Variants in RBPJ observed in about 807,000 individuals in gnomAD.
RBPJ encodes recombining binding protein suppressor of hairless.
Under a neutral mutation model 67.8 loss-of-function variants are expected in RBPJ, and 9 were observed. That is an observed-to-expected ratio of 0.13 (90% confidence interval 0.08 to 0.23). RBPJ has a LOEUF of 0.23. Ranked by LOEUF, RBPJ falls within the 10% of genes least tolerant of loss-of-function variation. The pLI is 1.00. For missense variants in RBPJ, 305 were observed against 595.6 expected, an observed-to-expected ratio of 0.51 and a Z score of 5.08; for synonymous variants, 198 against 203.3, an observed-to-expected ratio of 0.97 and a Z score of 0.22.
At chr4:26,142,969 A>T in the RBPJ span, among the ~76,000 whole-genome samples, 13 of 152,112 alleles carry the variant, frequency 8.5e-5, no homozygotes, top group African/African-American at 3.1e-4. Flanking sequence ...TTTAGTAGAG[A>T]TGGGGTTTCA....
the RBPJ span, among the ~76,000 whole-genome samples, chr4:26,148,541 A>G: frequency 6.6e-6 from 1 of 152,242 alleles, no homozygotes; most frequent in Admixed American, 6.5e-5. Flanking sequence ...TCAAGTGAAC[A>G]TGGCAGACAA....
At chr4:26,178,475 G>T (rs950719541) in intron 1 of RBPJ, among the ~76,000 whole-genome samples, 1 of 151,942 alleles carries the variant, frequency 6.6e-6, no homozygotes, top group African/African-American at 2.4e-5. Flanking sequence ...AGGTGTGATG[G>T]TGCACGCCTG....
At chr4:26,342,378 C>T (rs1025025606) in intron 1 of RBPJ, among the ~76,000 whole-genome samples, 4 of 151,628 alleles carry the variant, frequency 2.6e-5, no homozygotes, top group African/African-American at 9.7e-5. Flanking sequence ...TTTACAGAAA[C>T]TTAACCAAGT....
At chr4:26,137,153 G>A in the RBPJ span, among the ~76,000 whole-genome samples, 2 of 152,302 alleles carry the variant, frequency 1.3e-5, no homozygotes, top group African/African-American at 4.8e-5. Context: ...AATGCCTGTG[G>A]GCTGGGAGGG....
At chr4:26,120,750 A>G in the RBPJ span, among the ~76,000 whole-genome samples, 1 of 143,178 alleles carries the variant, frequency 7.0e-6, no homozygotes, top group Non-Finnish European at 1.5e-5. Context: ...CACACTGGAA[A>G]ATAAGCAATA....
upstream of RBPJ, chr4:26,320,735 C>A: frequency 6.4e-7 from 1 of 1,550,756 alleles, no homozygotes; most frequent in Non-Finnish European, 8.7e-7. Context: ...GTCCTAAAAC[C>A]CGGATAACCG....
chr4:26,357,677 A>T (rs1386575177), intron 1 of RBPJ, among the ~76,000 whole-genome samples: 3 of 152,062 alleles, frequency 2.0e-5, no homozygotes, highest in Admixed American at 1.3e-4. Context: ...ATCCATCTCC[A>T]CAGCTGTTTT....
At chr4:26,202,494 G>T (rs1283486884) in intron 1 of RBPJ, among the ~76,000 whole-genome samples, 1 of 149,106 alleles carries the variant, frequency 6.7e-6, no homozygotes, top group Non-Finnish European at 1.5e-5. Context: ...AATAAATGAC[G>T]ATTTCATTGG....
chr4:26,422,381 AATTC>A (rs1735229262), intron 5 of RBPJ, among the ~76,000 whole-genome samples: 1 of 152,160 alleles, frequency 6.6e-6, no homozygotes, highest in African/African-American at 2.4e-5. Flanking sequence ...TAATTTTTTA[AATTC>A]TAACTTCTGC....
intron 1 of RBPJ, chr4:26,359,673 A>ACAGGAGGGATGGTGGCCGAG (rs1727830553): frequency 6.6e-6 from 1 of 152,118 alleles, no homozygotes. Context: ...CACCCCGCCG[A>ACAGGAGGGATGGTGGCCGAG]CAGGAGGGAT....
At chr4:26,323,692 G>A (rs1266511490) in intron 1 of RBPJ, among the ~76,000 whole-genome samples, 1 of 152,076 alleles carries the variant, frequency 6.6e-6, no homozygotes, top group East Asian at 1.9e-4. Context: ...GTTATCTGTT[G>A]TCCTATACCA....
At chr4:26,364,612 T>C (rs28617260) in intron 1 of RBPJ, among the ~76,000 whole-genome samples, 3 of 142,046 alleles carry the variant, frequency 2.1e-5, no homozygotes, top group Admixed American at 7.2e-5. Flanking sequence ...TTTTTTTTTT[T>C]CTTTTTCATT....
chr4:26,278,219 A>T (rs555283660), intron 1 of RBPJ, among the ~76,000 whole-genome samples: 2 of 152,202 alleles, frequency 1.3e-5, no homozygotes, highest in Non-Finnish European at 1.5e-5. Flanking sequence ...AGGATGCTAC[A>T]TAACATTTTC....
At chr4:26,409,522 CAG>C (rs1491551628) in intron 3 of RBPJ, among the ~76,000 whole-genome samples, 3 of 152,114 alleles carry the variant, frequency 2.0e-5, no homozygotes, top group African/African-American at 4.8e-5. Context: ...CTTTTTGAGA[CAG>C]AGTCTCGCCT....
At position 26,430,377 on chromosome 4, in the gene RBPJ, A is replaced by G. The variant is rs746842725; in HGVS notation, c.1045-42A>G. On this transcript the variant is annotated intron_variant, in intron 9 of 10. Coordinates refer to ENST00000355476, the MANE Select transcript of RBPJ (RefSeq NM_015874.6). The surrounding 1 kb of genome is among the most constrained non-coding windows in gnomAD (Gnocchi z 4.1). ...TCTAATTTGTGTACTTTAATGAAAA[A>G]TGAAAAGTTTTCTCAGTGTTGTGAT... The G allele has an allele frequency of 6.7e-7, 1 of 1,501,464 alleles. No individual in the cohort carries two copies. The highest frequency in any genetic ancestry group is 1.7e-5 in the Admixed American group (1 of 58,516). 93.0% of individuals were successfully genotyped at this position (1,501,464 alleles called of 1,614,324 possible).
intron 1 of RBPJ, among the ~76,000 whole-genome samples, chr4:26,354,056 G>A (rs184826431): frequency 1.4e-4 from 22 of 151,838 alleles, no homozygotes; most frequent in African/African-American, 4.8e-4. Context: ...TCAGCCTCCC[G>A]AGTAGCTGGG....
In RBPJ at chr4:26,434,750, T is replaced by G. The variant is rs1378106435; in HGVS notation, c.*3743T>G. Reference sequence around the variant, plus strand: ...CATTCAGTCCTTAAGGGGTTTATTTTACAAACTGTGCGCCTGTAAGGTTTA... The same window carrying G: ...CATTCAGTCCTTAAGGGGTTTATTTGACAAACTGTGCGCCTGTAAGGTTTA... On this transcript the variant is annotated 3_prime_UTR_variant, in exon 11 of 11. Transcript: ENST00000355476. The G allele has an allele frequency of 1.3e-5, 2 of 152,238 alleles. No individual in the cohort carries two copies. The highest frequency in any genetic ancestry group is 2.9e-5 in the Non-Finnish European group (2 of 68,046). The allele number at this position is 152,238 out of a possible 1,614,324, so 9.4% of individuals were successfully genotyped here.
chr4:26,340,029 A>AG (rs1725345723), intron 1 of RBPJ, among the ~76,000 whole-genome samples: 1 of 152,204 alleles, frequency 6.6e-6, no homozygotes, highest in Non-Finnish European at 1.5e-5. Flanking sequence ...AAAAAAAAAA[A>AG]GAACATTTCA....
At chr4:26,386,324 C>G (rs377480037) in intron 1 of RBPJ, 29 bp from the exon 2 acceptor site, 1 of 1,524,916 alleles carries the variant, frequency 6.6e-7, no homozygotes, top group Admixed American at 1.9e-5. Flanking sequence ...GCTTACTTAA[C>G]TTTATTTTCT....
Sources: allele counts gnomAD v4.1 joint callset (sites outside exome capture counted in the v4.1 genomes callset), GRCh38; gene constraint gnomAD v4.1.1; non-coding constraint Gnocchi (gnomAD v3.1); transcripts MANE v1.5; gene names NCBI Gene and HGNC (gene_info 2026-07-23, HGNC 2026-07-21).